The following TSPAN11 variants were observed in gnomAD, a reference collection of about 807,000 sequenced individuals.
TSPAN11 encodes the protein tetraspanin 11.
Under a neutral mutation model 32.9 loss-of-function variants are expected in TSPAN11, and 29 were observed. That is an observed-to-expected ratio of 0.88 (90% CI 0.66 to 1.20). TSPAN11 has a LOEUF of 1.20. TSPAN11 is among the 50% of genes most tolerant of loss of function. The pLI, the probability that TSPAN11 is intolerant of heterozygous loss-of-function variation, is 0.00. For synonymous variants in TSPAN11, 140 were observed against 141.3 expected, an observed-to-expected ratio of 0.99 and a Z score of 0.07; for missense variants, 283 against 329.1, an observed-to-expected ratio of 0.86 and a Z score of 1.08.
At chr12:30,957,707 C>T (rs1487747589) in intron 2 of TSPAN11, among the ~76,000 whole-genome samples, 10 of 56,702 alleles carry the variant, frequency 1.8e-4, no homozygotes, top group African/African-American at 1.3e-3. Flanking sequence ...CTCCCTCCCT[C>T]CTTCCTTCCT....
chr12:30,971,183 GGCAGGAA>G (rs1162501224), intron 3 of TSPAN11, among the ~76,000 whole-genome samples: 1 of 151,432 alleles, frequency 6.6e-6, no homozygotes, highest in Non-Finnish European at 1.5e-5. Flanking sequence ...GATATGGCTT[GGCAGGAA>G]GCTTCACAAA....
At chr12:30,970,518 A>G (rs1040517383) in intron 3 of TSPAN11, among the ~76,000 whole-genome samples, 2 of 152,066 alleles carry the variant, frequency 1.3e-5, no homozygotes, top group Non-Finnish European at 2.9e-5. Flanking sequence ...TGCCTCCCCA[A>G]GACCCAGTTT....
chr12:30,970,835 T>G lies in TSPAN11; in HGVS notation c.276+6818T>G, dbSNP rs1938834053. 2.0e-5 allele frequency among the ~76,000 whole-genome samples: 3 copies of G among 152,076 alleles called. No individual in the cohort carries two copies. In the South Asian group the frequency reaches 6.2e-4, roughly 32 times the overall value. ...ATGGCTGAAGGCTCCCAAATCCACA[T>G]CCTCTCTTTTCTGCACAAATGGGCC... On this transcript the variant is annotated intron_variant, in intron 3 of 7. Transcript: ENST00000546076.
At chr12:31,005,589 C>G in the TSPAN11 span, among the ~76,000 whole-genome samples, 1 of 152,208 alleles carries the variant, frequency 6.6e-6, no homozygotes, top group African/African-American at 2.4e-5. Flanking sequence ...TCTCCCTGTG[C>G]CGACAACTCC....
At chr12:30,949,621 G>A (rs1938341555) in intron 1 of TSPAN11, among the ~76,000 whole-genome samples, 1 of 152,134 alleles carries the variant, frequency 6.6e-6, no homozygotes, top group Admixed American at 6.5e-5. Flanking sequence ...ACAGCACATG[G>A]GAATTCTGGG....
intron 5 of TSPAN11, among the ~76,000 whole-genome samples, chr12:30,980,369 A>C (rs1236869717): frequency 6.6e-6 from 1 of 152,218 alleles, no homozygotes; most frequent in East Asian, 1.9e-4. Context: ...CCACATTTCT[A>C]GTGCTCATTA....
chr12:30,991,443 T>C (rs1939309920), intron 7 of TSPAN11, among the ~76,000 whole-genome samples: 1 of 152,146 alleles, frequency 6.6e-6, no homozygotes, highest in African/African-American at 2.4e-5. Context: ...GAAACATTAC[T>C]CTTAGGGCCT....
At chr12:31,008,111 CT>C in the TSPAN11 span, among the ~76,000 whole-genome samples, 63 of 145,486 alleles carry the variant, frequency 4.3e-4, no homozygotes, top group East Asian at 1.2e-3. Flanking sequence ...TTTCTTTTTT[CT>C]TTTTTTTTTT....
the TSPAN11 span, among the ~76,000 whole-genome samples, chr12:31,011,635 C>G: frequency 6.6e-6 from 1 of 152,160 alleles, no homozygotes; most frequent in East Asian, 1.9e-4. Flanking sequence ...GCCTTGCCCT[C>G]AGGGACTCTG....
At chr12:30,931,738 C>T (rs1021690180) in intron 1 of TSPAN11, among the ~76,000 whole-genome samples, 2 of 151,394 alleles carry the variant, frequency 1.3e-5, no homozygotes, top group African/African-American at 2.4e-5. Flanking sequence ...AAATTAGCTG[C>T]GTGTGGTGGT....
the TSPAN11 span, chr12:31,012,582 T>TTCC: frequency 6.6e-6 from 1 of 152,336 alleles, no homozygotes; most frequent in Non-Finnish European, 1.5e-5. Flanking sequence ...CAGCAGTGAG[T>TTCC]TCCTCCTCCT....
the TSPAN11 span, among the ~76,000 whole-genome samples, chr12:31,004,555 A>G: frequency 7.9e-5 from 12 of 152,268 alleles, no homozygotes; most frequent in Admixed American, 2.6e-4. Flanking sequence ...CACTTGCCCA[A>G]TGGGGTCCTC....
intron 7 of TSPAN11, chr12:30,986,725 G>A (rs1212660523): frequency 6.6e-6 from 1 of 152,214 alleles, no homozygotes; most frequent in Non-Finnish European, 1.5e-5. Flanking sequence ...TTTAATGAAG[G>A]GAGCACACCT....
chr12:30,978,742 G>A (rs1055128939), intron 4 of TSPAN11, 107 bp downstream of exon 4: 14 of 1,167,000 alleles, frequency 1.2e-5, no homozygotes, highest in Middle Eastern at 2.0e-4. Flanking sequence ...GCACAAGGGC[G>A]GTCCTGTTTC....
At chr12:30,927,050 T>C (rs2140263985) in intron 1 of TSPAN11, 1 of 1,271,388 alleles carries the variant, frequency 7.9e-7, no homozygotes, top group Non-Finnish European at 1.0e-6. Context: ...TCCATAACTA[T>C]GCGCATGAGT....
intron 1 of TSPAN11, among the ~76,000 whole-genome samples, chr12:30,946,591 G>C (rs758342261): frequency 9.9e-5 from 15 of 152,220 alleles, no homozygotes; most frequent in Non-Finnish European, 1.8e-4. Context: ...CACTTGCTGT[G>C]GTTCCTGGGC....
At chr12:31,012,896 C>T in the TSPAN11 span, 1 of 152,216 alleles carries the variant, frequency 6.6e-6, no homozygotes, top group African/African-American at 2.4e-5. Flanking sequence ...GATAAAGATA[C>T]AAGATATTTT....
intron 7 of TSPAN11, chr12:30,988,606 A>T (rs1341428086): frequency 6.6e-6 from 1 of 152,238 alleles, no homozygotes; most frequent in Non-Finnish European, 1.5e-5. Flanking sequence ...AAAACAAAAA[A>T]AAAACCACAC....
chr12:30,991,717 G>A (rs1939315234), intron 7 of TSPAN11, 139 bp from the exon 8 acceptor site: 5 of 813,292 alleles, frequency 6.1e-6, no homozygotes, highest in African/African-American at 1.7e-5. Flanking sequence ...CTGACATTTT[G>A]AGCAGTTTTG....
Sources: allele counts gnomAD v4.1 joint callset (sites outside exome capture counted in the v4.1 genomes callset), GRCh38; gene constraint gnomAD v4.1.1; transcripts MANE v1.5; gene names NCBI Gene and HGNC (gene_info 2026-07-23, HGNC 2026-07-21).